TMEM154: variants seen among roughly 807,000 people sequenced by gnomAD.
TMEM154 encodes the protein transmembrane protein 154.
Under a neutral mutation model 24.5 loss-of-function variants are expected in TMEM154, and 27 were observed. The observed-to-expected ratio is 1.10, with a 90% confidence interval of 0.81 to 1.52. TMEM154 has a LOEUF of 1.52. Among genes scored for constraint, TMEM154 ranks in the 40% most tolerant of loss-of-function variants. The pLI is 0.00. For synonymous variants in TMEM154, 67 were observed against 76.8 expected (o/e 0.87, Z 0.67); for missense variants, 228 against 213.4 (o/e 1.07, Z -0.43).
chr4:152,645,239 T>C (rs1276088557), intron 3 of TMEM154, among the ~76,000 whole-genome samples: 1 of 152,184 alleles, frequency 6.6e-6, no homozygotes, highest in Non-Finnish European at 1.5e-5. Flanking sequence ...CAGTACCTTG[T>C]AAATGCCTAG....
intron 6 of TMEM154, among the ~76,000 whole-genome samples, chr4:152,636,465 G>A (rs1218808229): frequency 1.3e-5 from 2 of 152,196 alleles, no homozygotes; most frequent in African/African-American, 4.8e-5. Flanking sequence ...TTTCAAACAT[G>A]AAAACCATAG....
At chr4:152,646,786 C>CT in intron 3 of TMEM154, 1 of 600,124 alleles carries the variant, frequency 1.7e-6, no homozygotes, top group Non-Finnish European at 3.0e-6. Context: ...AGGGCAGGAG[C>CT]TACAGGAGCC....
intron 6 of TMEM154, among the ~76,000 whole-genome samples, chr4:152,628,970 A>G (rs1477799065): frequency 6.6e-6 from 1 of 152,096 alleles, no homozygotes; most frequent in Non-Finnish European, 1.5e-5. Flanking sequence ...CTAAGAAGCT[A>G]AAGAGAGCTG....
At chr4:152,656,234 T>C (rs1728489223) in intron 1 of TMEM154, among the ~76,000 whole-genome samples, 1 of 152,174 alleles carries the variant, frequency 6.6e-6, no homozygotes. Context: ...TCTGCCTACC[T>C]GCCTGGCTAA....
At chr4:152,655,362 G>A (rs1029091775) in intron 1 of TMEM154, among the ~76,000 whole-genome samples, 2 of 152,196 alleles carry the variant, frequency 1.3e-5, no homozygotes, top group Non-Finnish European at 2.9e-5. Context: ...ACTCTCACAG[G>A]CCCTGAGACT....
intron 5 of TMEM154, among the ~76,000 whole-genome samples, chr4:152,642,687 G>A (rs1020806298): frequency 7.2e-5 from 11 of 151,980 alleles, no homozygotes; most frequent in South Asian, 2.1e-4. Flanking sequence ...TATCTATTAC[G>A]TTGAACAGCA....
chr4:152,679,958 G>T lies in TMEM154; in HGVS notation c.-25C>A. ...TGTCCGCTCGCCTCGGCAGAGGCGC[G>T]CTCAGGATGCTGCGCCGGGCTGCAG... is the stretch of plus-strand genomic sequence containing the variant. On this transcript the variant is annotated 5_prime_UTR_variant, in exon 1 of 7. Transcript: ENST00000304385. 6.3e-7 allele frequency: 1 copy of T among 1,592,374 alleles called. No individual in the cohort carries two copies. The highest frequency in any genetic ancestry group is 1.3e-5 in the African/African-American group (1 of 74,856).
At chr4:152,643,398 G>A (rs1204860691) in intron 4 of TMEM154, among the ~76,000 whole-genome samples, 1 of 152,228 alleles carries the variant, frequency 6.6e-6, no homozygotes, top group African/African-American at 2.4e-5. Context: ...AAAGTGGGGT[G>A]CCCACAGGCC....
intron 1 of TMEM154, 123 bp from the exon 2 acceptor site, chr4:152,653,050 T>C: frequency 1.0e-6 from 1 of 1,001,492 alleles, no homozygotes; most frequent in Non-Finnish European, 1.4e-6. Flanking sequence ...ATACTTGGCC[T>C]CCAAGCTAAG....
chr4:152,631,792 C>CTTT (rs1752047652), intron 6 of TMEM154, among the ~76,000 whole-genome samples: 3 of 131,462 alleles, frequency 2.3e-5, no homozygotes, highest in African/African-American at 8.5e-5. Flanking sequence ...AATCTATCCC[C>CTTT]CTTTTTTTTT....
intron 1 of TMEM154, among the ~76,000 whole-genome samples, chr4:152,671,701 C>A (rs978499433): frequency 2.8e-5 from 4 of 140,506 alleles, no homozygotes; most frequent in African/African-American, 1.1e-4. Context: ...GAGCCGAGAT[C>A]CCGCCACTGC....
intron 1 of TMEM154, among the ~76,000 whole-genome samples, chr4:152,667,795 C>T (rs77536740): frequency 1.2e-4 from 18 of 152,286 alleles, no homozygotes; most frequent in African/African-American, 4.3e-4. Context: ...TGCCTTGCAT[C>T]GAAAGAACAT....
intron 6 of TMEM154, among the ~76,000 whole-genome samples, chr4:152,638,774 C>T (rs1752197315): frequency 6.6e-6 from 1 of 152,146 alleles, no homozygotes; most frequent in Non-Finnish European, 1.5e-5. Context: ...ACTTGCCATT[C>T]TTGGTTCTCG....
intron 4 of TMEM154, 109 bp downstream of exon 4, chr4:152,644,306 A>C (rs1561047978): frequency 5.7e-6 from 7 of 1,223,800 alleles, no homozygotes; most frequent in Non-Finnish European, 7.2e-6. Flanking sequence ...CCTGGGAAGC[A>C]GGAGAGTCCC....
rs1415954413 is a variant in TMEM154 at position 152,652,783 on chromosome 4, T to G, written c.209A>C (p.Asp70Ala). 1 of 1,614,084 alleles carries G rather than the reference T, an allele frequency of 6.2e-7. No homozygotes were observed. Among genetic ancestry groups the G allele is most frequent in the South Asian group, 1.1e-5 (1 of 91,082 alleles). ...ANINSTNFAP[D>A]ENQLEFILMV... is the part of the protein sequence containing the mutation. ...CAGTATAAACTCTAACTGATTTTCA[T>G]CCGGAGCAAAGTTGGTAGAATTTAT... The change falls in exon 2 of 7, where the codon GAT becomes GCT. Residue 70 changes from aspartate to alanine, a missense_variant. Physicochemically the swap from Asp to Ala is moderately radical, Grantham distance 126 (BLOSUM62 -2). Coordinates refer to ENST00000304385, the MANE Select transcript of TMEM154 (RefSeq NM_152680.3).
At chr4:152,652,154 T>C (rs1358171453) in intron 3 of TMEM154, among the ~76,000 whole-genome samples, 1 of 152,048 alleles carries the variant, frequency 6.6e-6, no homozygotes, top group Admixed American at 6.6e-5. Context: ...TGAAAACATT[T>C]GAAATATTGT....
chr4:152,662,538 A>G (rs1728632783), intron 1 of TMEM154, among the ~76,000 whole-genome samples: 1 of 152,218 alleles, frequency 6.6e-6, no homozygotes, highest in Non-Finnish European at 1.5e-5. Context: ...GTGTACACCA[A>G]CAAGGTGGAA....
At chr4:152,677,571 C>A (rs1728974861) in intron 1 of TMEM154, among the ~76,000 whole-genome samples, 1 of 152,162 alleles carries the variant, frequency 6.6e-6, no homozygotes, top group African/African-American at 2.4e-5. Flanking sequence ...TCACCTTTTC[C>A]ATGATGAATC....
chr4:152,646,962 T>A (rs1033061917), intron 3 of TMEM154: 2 of 704,804 alleles, frequency 2.8e-6, no homozygotes, highest in Non-Finnish European at 5.2e-6. Context: ...ACCTCACACA[T>A]CAAGACACTG....
Sources: gnomAD v4.1 joint callset for allele counts (sites outside exome capture counted in the v4.1 genomes callset) on GRCh38, gnomAD v4.1.1 for gene constraint, MANE v1.5 for transcripts, NCBI Gene and HGNC (gene_info 2026-07-23, HGNC 2026-07-21) for gene names.